The following ECSIT variants were observed in gnomAD, a reference collection of about 807,000 sequenced individuals.
ECSIT encodes ECSIT signaling integrator.
Under a neutral mutation model 36.8 loss-of-function variants are expected in ECSIT, and 29 were observed. The observed-to-expected ratio is 0.79, with a 90% CI of 0.59 to 1.08. ECSIT has a LOEUF of 1.08. Ranked by LOEUF, ECSIT falls within the 50% of genes least tolerant of loss-of-function variation. The pLI, the probability that ECSIT is intolerant of heterozygous loss-of-function variation, is 0.00. For synonymous variants in ECSIT, 231 were observed against 234.8 expected, an observed-to-expected ratio of 0.98 and a Z score of 0.15; for missense variants, 542 against 581.0, an observed-to-expected ratio of 0.93 and a Z score of 0.69.
At chr19:11,527,596 C>CT (rs1185584961) in intron 1 of ECSIT, among the ~76,000 whole-genome samples, 1 of 152,160 alleles carries the variant, frequency 6.6e-6, no homozygotes, top group Admixed American at 6.6e-5. Flanking sequence ...CTGGAGGATC[C>CT]TTTAAGGTCA....
intron 1 of ECSIT, among the ~76,000 whole-genome samples, chr19:11,521,191 G>C (rs1236411705): frequency 6.6e-6 from 1 of 152,138 alleles, no homozygotes; most frequent in East Asian, 1.9e-4. Flanking sequence ...ATTTGGGGTT[G>C]TTTGCCAAAT....
chr19:11,515,623 A>C (rs960025770), intron 2 of ECSIT, among the ~76,000 whole-genome samples: 2 of 151,870 alleles, frequency 1.3e-5, no homozygotes, highest in Non-Finnish European at 2.9e-5. Context: ...TGCCCAGCTA[A>C]TTTTTATGTT....
chr19:11,514,345 G>A, intron 2 of ECSIT, 124 bp from the exon 3 acceptor site: 1 of 927,330 alleles, frequency 1.1e-6, no homozygotes, highest in Non-Finnish European at 1.6e-6. Flanking sequence ...ATGGAACTGT[G>A]GTTACAAACC....
chr19:11,523,625 TG>T, intron 1 of ECSIT: 1 of 876,488 alleles, frequency 1.1e-6, no homozygotes, highest in Non-Finnish European at 1.9e-6. Context: ...TATGTCAAGC[TG>T]GTGGAGTCCC....
At chr19:11,523,159 C>A (rs1972142900) in intron 1 of ECSIT, among the ~76,000 whole-genome samples, 1 of 152,176 alleles carries the variant, frequency 6.6e-6, no homozygotes, top group Non-Finnish European at 1.5e-5. Context: ...ACCAACCCCT[C>A]CTCTTCCTCC....
intron 4 of ECSIT, among the ~76,000 whole-genome samples, chr19:11,511,981 G>A (rs1298243303): frequency 6.6e-6 from 1 of 151,656 alleles, no homozygotes; most frequent in East Asian, 1.9e-4. Context: ...GCAGTGAGCT[G>A]AGATGGCGCC....
In ECSIT at chr19:11,508,095, C is replaced by G. The variant is rs531233723; in HGVS notation, c.739-47G>C. 1.4e-5 allele frequency: 23 copies of G among 1,604,842 alleles called. 1 individual carries two copies. The East Asian group carries it at 4.7e-4, about 33-fold the overall frequency. On this transcript the variant is annotated intron_variant, in intron 4 of 7. Transcript: ENST00000270517. ...TAATCTTGTAACCCCCAATCCCCTACAGAGGAACTGGGGACAGAGAAACAG... is the reference window on the plus strand; with the variant it reads ...TAATCTTGTAACCCCCAATCCCCTAGAGAGGAACTGGGGACAGAGAAACAG...
intron 1 of ECSIT, chr19:11,525,520 AAAAC>A (rs1306630187): frequency 6.6e-6 from 1 of 152,058 alleles, no homozygotes; most frequent in African/African-American, 2.4e-5. Flanking sequence ...TCAAAACAAA[AAAAC>A]AAAAACAAAA....
chr19:11,505,955 C>T lies in ECSIT; in HGVS notation c.*229G>A, dbSNP rs1013568064. On this transcript the variant is annotated 3_prime_UTR_variant, in exon 8 of 8. Coordinates refer to ENST00000270517, the MANE Select transcript of ECSIT (RefSeq NM_016581.5). ...GCGCACAACCAACAGCGCTCCCGCC[C>T]CTTTTTATTTGAATTCGGAGAACCA... The T allele has an allele frequency of 1.1e-4, 98 of 922,354 alleles. 1 individual carries two copies. The highest frequency in any genetic ancestry group is 5.1e-5 in the African/African-American group (3 of 59,068). The allele number at this position is 922,354 out of a possible 1,614,324, so 57.1% of individuals were successfully genotyped here. A position where few individuals can be genotyped will look rare whatever the true frequency, so the allele number is the denominator to read the frequency against.
intron 1 of ECSIT, among the ~76,000 whole-genome samples, chr19:11,525,172 C>T (rs968749838): frequency 1.3e-5 from 2 of 151,708 alleles, no homozygotes; most frequent in African/African-American, 4.8e-5. Context: ...ACATAAAAAG[C>T]ACTGCAATGA....
chr19:11,524,265 T>A (rs1400964357), intron 1 of ECSIT, among the ~76,000 whole-genome samples: 1 of 151,484 alleles, frequency 6.6e-6, no homozygotes, highest in Non-Finnish European at 1.5e-5. Context: ...GGCTCACGCC[T>A]GTAATCCCAG....
intron 2 of ECSIT, 113 bp from the exon 3 acceptor site, chr19:11,514,334 T>C: frequency 4.9e-6 from 5 of 1,023,064 alleles, no homozygotes; most frequent in Non-Finnish European, 6.9e-6. Context: ...GACTCGGAGG[T>C]ATGGAACTGT....
intron 4 of ECSIT, among the ~76,000 whole-genome samples, chr19:11,511,237 G>A (rs960126120): frequency 5.9e-5 from 9 of 152,238 alleles, no homozygotes; most frequent in Middle Eastern, 3.4e-3. Flanking sequence ...GCATGAGTGG[G>A]GGCTCCCAGG....
chr19:11,506,001 A>AG lies in ECSIT; in HGVS notation c.*182dup. 1.9e-6 allele frequency: 2 copies of AG among 1,077,710 alleles called. No individual in the cohort carries two copies. Among genetic ancestry groups the AG allele is most frequent in the Non-Finnish European group, 2.6e-6 (2 of 756,094 alleles). The allele number at this position is 1,077,710 out of a possible 1,614,324, so 66.8% of individuals were successfully genotyped here. A position where few individuals can be genotyped will look rare whatever the true frequency, so the allele number is the denominator to read the frequency against. On this transcript the variant is annotated 3_prime_UTR_variant, in exon 8 of 8. Transcript: ENST00000270517. The stretch of plus-strand genomic sequence containing the variant: ...AACCAGAGGCGCCTGCAGATTCTGG[A>AG]GGGGTCTCGCCTGCCCATCGCTGGC...
rs750900842 is a variant in ECSIT, at chr19:11,513,948, G to A, written c.370C>T (p.Arg124Trp). ...LRKMREYGVE[R>W]DLAVYNQLLN... ...AGCTGGTTGTACACAGCCAGGTCCC[G>A]CTCGACACCATACTCCCGCATCTTG... Residue 124 changes from arginine to tryptophan, a missense_variant, in exon 3 of 8, where the codon CGG becomes TGG. Physicochemically the swap from Arg to Trp is moderately radical, Grantham distance 101. Transcript: ENST00000270517. The A allele has an allele frequency of 2.2e-5, 35 of 1,614,084 alleles. No homozygotes were observed. Among genetic ancestry groups the A allele is most frequent in the Non-Finnish European group, 2.5e-5 (30 of 1,180,046 alleles).
intron 7 of ECSIT, among the ~76,000 whole-genome samples, chr19:11,506,745 G>A (rs1328905525): frequency 1.3e-5 from 2 of 152,110 alleles, no homozygotes; most frequent in Non-Finnish European, 2.9e-5. Context: ...ATGTTGGCCA[G>A]GCTGGTCTCG....
rs1033335796 is a variant in ECSIT at position 11,529,047 on chromosome 19, C to G, written c.-24+15G>C. ...AGCCCAGCAGTTCGCGTTCGCCTAC[C>G]CGCGCGCGACCTACCTACTCACGCG... On this transcript the variant is annotated intron_variant, in intron 1 of 7. Coordinates refer to ENST00000270517, the MANE Select transcript of ECSIT (RefSeq NM_016581.5). The G allele has an allele frequency of 6.6e-6, 1 of 152,316 alleles. No homozygotes were observed. Among genetic ancestry groups the G allele is most frequent in the Non-Finnish European group, 1.5e-5 (1 of 68,116 alleles). The allele number at this position is 152,316 out of a possible 1,614,324, so 9.4% of individuals were successfully genotyped here. A position where few individuals can be genotyped will look rare whatever the true frequency, so the allele number is the denominator to read the frequency against.
chr19:11,522,720 T>C (rs1194759428), intron 1 of ECSIT, among the ~76,000 whole-genome samples: 1 of 148,562 alleles, frequency 6.7e-6, no homozygotes, highest in African/African-American at 2.5e-5. Context: ...CTCAAAAAAA[T>C]TAATTAATTA....
intron 2 of ECSIT, among the ~76,000 whole-genome samples, chr19:11,517,883 C>T (rs1387136187): frequency 2.0e-5 from 3 of 152,120 alleles, no homozygotes; most frequent in Non-Finnish European, 2.9e-5. Context: ...CAGTTTTCTG[C>T]CCCATCTTCA....
Sources: gnomAD v4.1 joint callset for allele counts (sites outside exome capture counted in the v4.1 genomes callset) on GRCh38, gnomAD v4.1.1 for gene constraint, MANE v1.5 for transcripts, NCBI Gene and HGNC (gene_info 2026-07-23, HGNC 2026-07-21) for gene names.